Variants in DDR2 observed in about 807,000 individuals in gnomAD.
DDR2 encodes the protein discoidin domain receptor tyrosine kinase 2.
In DDR2, 27 loss-of-function variants were observed where a neutral mutation model predicts 94.9. That is an observed-to-expected ratio of 0.28 (90% CI 0.21 to 0.39). DDR2 has a LOEUF of 0.39. Ranked by LOEUF, DDR2 falls within the 10% of genes least tolerant of loss-of-function variation. The pLI, the probability that DDR2 is intolerant of heterozygous loss-of-function variation, is 1.00. For missense variants in DDR2, 783 were observed against 1,076.0 expected (o/e 0.73, Z 3.81); for synonymous variants, 382 against 377.2 (o/e 1.01, Z -0.15).
At position 162,776,291 on chromosome 1, in the gene DDR2, T is replaced by A; in HGVS notation, c.2204T>A (p.Leu735Gln). 6.2e-7 allele frequency: 1 copy of A among 1,614,086 alleles called. No homozygotes were observed. Among genetic ancestry groups the A allele is most frequent in the Non-Finnish European group, 8.5e-7 (1 of 1,179,976 alleles). Reference sequence around the variant, plus strand: ...GCTGACTTTGGAATGAGCAGGAACCTGTACAGTGGTGACTATTACCGGATC... The same window carrying A: ...GCTGACTTTGGAATGAGCAGGAACCAGTACAGTGGTGACTATTACCGGATC... ...KIADFGMSRN[L>Q]YSGDYYRIQG... The change falls in exon 16 of 18, where the codon CTG becomes CAG. Residue 735 changes from leucine to glutamine, a missense_variant. Transcript: ENST00000367921.
intron 2 of DDR2, among the ~76,000 whole-genome samples, chr1:162,658,707 C>G (rs1347695380): frequency 6.6e-6 from 1 of 150,654 alleles, no homozygotes. Flanking sequence ...GCCTGCCTGT[C>G]GTTCCAGCTA....
intron 1 of DDR2, among the ~76,000 whole-genome samples, chr1:162,641,921 T>A (rs1657147127): frequency 6.6e-6 from 1 of 152,152 alleles, no homozygotes; most frequent in African/African-American, 2.4e-5. Context: ...TGGGTCTATA[T>A]TATATACAGG....
chr1:162,714,036 G>A (rs1661042441), intron 2 of DDR2, among the ~76,000 whole-genome samples: 1 of 152,056 alleles, frequency 6.6e-6, no homozygotes, highest in South Asian at 2.1e-4. Flanking sequence ...CTGCTTTAAT[G>A]TTTGTCTTTG....
At chr1:162,651,858 A>G (rs537074097) in intron 1 of DDR2, among the ~76,000 whole-genome samples, 9 of 152,298 alleles carry the variant, frequency 5.9e-5, no homozygotes, top group Non-Finnish European at 8.8e-5. Context: ...TCAAGCTTAG[A>G]AATAATTTTC....
intron 17 of DDR2, 114 bp downstream of exon 17, chr1:162,778,843 T>G: frequency 7.2e-7 from 1 of 1,387,400 alleles, no homozygotes; most frequent in Non-Finnish European, 1.0e-6. Context: ...ATCCAGGTGT[T>G]AGTCTTTGTC....
intron 3 of DDR2, among the ~76,000 whole-genome samples, chr1:162,752,612 T>C (rs1663266759): frequency 6.6e-6 from 1 of 152,170 alleles, no homozygotes; most frequent in African/African-American, 2.4e-5. Flanking sequence ...CAAAAATGTG[T>C]GTTTGATCCC....
chr1:162,696,538 T>C (rs1167313990), intron 2 of DDR2, among the ~76,000 whole-genome samples: 1 of 151,818 alleles, frequency 6.6e-6, no homozygotes, highest in East Asian at 1.9e-4. Flanking sequence ...AGCTTGAGCC[T>C]CTGGCTTTCA....
intron 2 of DDR2, among the ~76,000 whole-genome samples, chr1:162,690,698 C>A (rs762583565): frequency 6.6e-6 from 1 of 152,048 alleles, no homozygotes; most frequent in African/African-American, 2.4e-5. Flanking sequence ...TTTGAAATTT[C>A]TGAGTAAATA....
At chr1:162,762,890 G>A (rs956615217) in intron 9 of DDR2, among the ~76,000 whole-genome samples, 2 of 152,108 alleles carry the variant, frequency 1.3e-5, no homozygotes, top group Non-Finnish European at 2.9e-5. Context: ...AGGCTGGAAT[G>A]CAGTGGTGTG....
Position 162,644,832 on chromosome 1 carries a change from G to A in DDR2, c.-191-10379G>A, listed in dbSNP as rs1345771598. On this transcript the variant is annotated intron_variant, in intron 1 of 17. Coordinates refer to ENST00000367921, the MANE Select transcript of DDR2 (RefSeq NM_006182.4). ...GCTGGTCTCGAACTCCTGACCTCAG[G>A]TTATCTGCCCACCTCAGCCTCCCAA... 2.0e-5 allele frequency among the ~76,000 whole-genome samples: 3 copies of A among 152,246 alleles called. No homozygotes were observed. In the South Asian group the frequency reaches 6.2e-4, roughly 32 times the overall value.
intron 2 of DDR2, among the ~76,000 whole-genome samples, chr1:162,705,724 A>G (rs893240975): frequency 3.9e-5 from 6 of 152,212 alleles, no homozygotes; most frequent in African/African-American, 1.4e-4. Flanking sequence ...GATGAGTGGC[A>G]GATCTGGGAC....
intron 1 of DDR2, among the ~76,000 whole-genome samples, chr1:162,645,466 G>A (rs919384457): frequency 6.6e-5 from 10 of 152,102 alleles, no homozygotes; most frequent in African/African-American, 2.2e-4. Context: ...GAGAGAAAAA[G>A]AAATCAAATA....
Position 162,641,843 on chromosome 1 carries a change from T to G in DDR2, c.-192+9212T>G, listed in dbSNP as rs552047487. On this transcript the variant is annotated intron_variant, in intron 1 of 17. Transcript: ENST00000367921. ...TTATGATTTGTGAACATTGTAGAAA[T>G]ATACTAATGTCTTTGTGAGTACAGA... is the stretch of plus-strand genomic sequence containing the variant. Among the ~76,000 whole-genome samples, 232 of 152,358 alleles carry G rather than the reference T, an allele frequency of 1.5e-3. 4 individuals are homozygous for G. Among genetic ancestry groups the G allele is most frequent in the African/African-American group, 5.2e-3 (217 of 41,580 alleles).
intron 2 of DDR2, among the ~76,000 whole-genome samples, chr1:162,709,459 G>C (rs1353983801): frequency 6.6e-6 from 1 of 152,178 alleles, no homozygotes; most frequent in African/African-American, 2.4e-5. Context: ...AGGTCACTTT[G>C]CTTTTTGGGC....
intron 3 of DDR2, among the ~76,000 whole-genome samples, chr1:162,730,580 C>G (rs1403734385): frequency 6.6e-6 from 1 of 152,196 alleles, no homozygotes; most frequent in East Asian, 1.9e-4. Context: ...AATGTATTGG[C>G]ATGGGAGGAG....
intron 3 of DDR2, among the ~76,000 whole-genome samples, chr1:162,722,376 A>G (rs936462014): frequency 3.0e-4 from 46 of 152,196 alleles, no homozygotes; most frequent in African/African-American, 1.1e-3. Context: ...GTATATACAT[A>G]GTCCTGAATT....
At chr1:162,759,625 A>G (rs746550837) in intron 7 of DDR2, among the ~76,000 whole-genome samples, 171 bp from the exon 8 acceptor site, 2 of 152,212 alleles carry the variant, frequency 1.3e-5, no homozygotes, top group African/African-American at 2.4e-5. Flanking sequence ...TTGATGCAAG[A>G]TAAACGAGTC....
At chr1:162,636,422 C>T (rs1172914362) in intron 1 of DDR2, among the ~76,000 whole-genome samples, 1 of 152,144 alleles carries the variant, frequency 6.6e-6, no homozygotes, top group Non-Finnish European at 1.5e-5. Flanking sequence ...CTCATTAAGT[C>T]GTCTGTGGCT....
At chr1:162,660,660 C>G (rs1658247251) in intron 2 of DDR2, among the ~76,000 whole-genome samples, 1 of 152,184 alleles carries the variant, frequency 6.6e-6, no homozygotes, top group Non-Finnish European at 1.5e-5. Flanking sequence ...ATCAAAGCAG[C>G]AACTTCCTTT....
Sources: gnomAD v4.1 joint callset for allele counts (sites outside exome capture counted in the v4.1 genomes callset) on GRCh38, gnomAD v4.1.1 for gene constraint, MANE v1.5 for transcripts, NCBI Gene and HGNC (gene_info 2026-07-23, HGNC 2026-07-21) for gene names.